Variants in CCDC9B observed in about 807,000 individuals in gnomAD.
CCDC9B encodes the protein coiled-coil domain-containing protein 9B.
In CCDC9B, 40 loss-of-function variants were observed where a neutral mutation model predicts 47.2. That is an observed-to-expected ratio of 0.85 (90% CI 0.66 to 1.10). CCDC9B has a LOEUF of 1.10. CCDC9B is among the 50% of genes least tolerant of loss of function. The pLI is 0.00. For missense variants in CCDC9B, 662 were observed against 651.0 expected (o/e 1.02, Z -0.18); for synonymous variants, 238 against 250.7 (o/e 0.95, Z 0.48).
At position 40,335,687 on chromosome 15, in the gene CCDC9B, G is replaced by A; in HGVS notation, c.944C>T (p.Thr315Ile). 2 of 1,559,450 alleles carry A rather than the reference G, an allele frequency of 1.3e-6. No homozygotes were observed. Among genetic ancestry groups the A allele is most frequent in the Non-Finnish European group, 1.7e-6 (2 of 1,150,540 alleles). ...ELEGQEGSQSTRETPSEEEQA... is the reference protein window; with the variant it reads ...ELEGQEGSQSIRETPSEEEQA... ...CTCCTCCTCACTGGGAGTCTCTCTG[G>A]TGCTTTGGCTTCCCTGAAACAAGAG... The change falls in exon 11 of 11, where the codon ACC (threonine) becomes ATC (isoleucine). Residue 315 changes from threonine to isoleucine, a missense_variant. Transcript: ENST00000397536.
chr15:40,340,761 C>T, intron 1 of CCDC9B, 47 bp downstream of exon 1: 2 of 1,570,258 alleles, frequency 1.3e-6, no homozygotes, highest in Non-Finnish European at 1.7e-6. Context: ...ATCCCAGCCC[C>T]CTCCCAGTCC....
In CCDC9B at chr15:40,335,610, C is replaced by T. The variant is rs367771613; in HGVS notation, c.1021G>A (p.Ala341Thr). The change falls in exon 11 of 11, where the codon GCA becomes ACA. Residue 341 changes from alanine to threonine, a missense_variant. Coordinates refer to ENST00000397536, the MANE Select transcript of CCDC9B (RefSeq NM_207380.3). ...MEQGRLGSAP[A>T]ASPALASPEG... ...GGGGATGCCAGGGCTGGGCTGGCTG[C>T]AGGGGCGCTCCCCAGTCGGCCCTGC... The T allele has an allele frequency of 9.3e-6, 14 of 1,499,612 alleles. No homozygotes were observed. The highest frequency in any genetic ancestry group is 1.2e-5 in the Non-Finnish European group (13 of 1,120,308). The allele number at this position is 1,499,612 out of a possible 1,614,324, so 92.9% of individuals were successfully genotyped here.
Position 40,334,968 on chromosome 15 carries a change from AGAT to A in CCDC9B, c.*187_*189del. 2.0e-6 allele frequency: 1 copy of A among 497,512 alleles called. No homozygotes were observed. The highest frequency in any genetic ancestry group is 3.1e-5 in the East Asian group (1 of 32,092). 30.8% of individuals were successfully genotyped at this position (497,512 alleles called of 1,614,324 possible). A position where few individuals can be genotyped will look rare whatever the true frequency, so the allele number is the denominator to read the frequency against. On this transcript the variant is annotated 3_prime_UTR_variant, in exon 11 of 11. Transcript: ENST00000397536. ...TGCGTGAAAACACACATGTGCACAG[AGAT>A]GAGCGTGTGAGGTGCAGGGAGGCCA...
chr15:40,336,416 C>T (rs1888960814), intron 9 of CCDC9B, 158 bp downstream of exon 9: 1 of 1,385,398 alleles, frequency 7.2e-7, no homozygotes, highest in Non-Finnish European at 9.3e-7. Flanking sequence ...GCTGCAGCCT[C>T]TGCTAATGGC....
At position 40,335,776 on chromosome 15, in the gene CCDC9B, G is replaced by A. The variant is rs1888945660; in HGVS notation, c.930+8C>T. ...CCAGCCTGCCCCATCCTATACCCAA[G>A]TACCTACCTCCTGACCTTCCAGCTC... On this transcript the variant is annotated splice_region_variant and intron_variant, in intron 10 of 10. Transcript: ENST00000397536. 1.2e-6 allele frequency: 2 copies of A among 1,610,534 alleles called. No individual in the cohort carries two copies. The highest frequency in any genetic ancestry group is 1.7e-6 in the Non-Finnish European group (2 of 1,178,410).
Position 40,334,167 on chromosome 15 carries a change from A to G in CCDC9B, c.*991T>C, listed in dbSNP as rs1486559781. On this transcript the variant is annotated 3_prime_UTR_variant, in exon 11 of 11. Transcript: ENST00000397536. ...CTCAGGAAATGTTTGTTGAACTGAG[A>G]GGAAGCCACAGCTTGTGCGGAGTCC... 6.5e-6 allele frequency: 1 copy of G among 152,700 alleles called. No homozygotes were observed. The highest frequency in any genetic ancestry group is 1.9e-4 in the East Asian group (1 of 5,202). 9.5% of individuals were successfully genotyped at this position (152,700 alleles called of 1,614,324 possible).
chr15:40,339,646 C>A, intron 2 of CCDC9B, 27 bp from the exon 3 acceptor site: 1 of 1,610,934 alleles, frequency 6.2e-7, no homozygotes, highest in Non-Finnish European at 8.5e-7. Flanking sequence ...GGTCAGCACA[C>A]GCCATGGCCC....
At chr15:40,336,915 G>C in intron 7 of CCDC9B, 102 bp from the exon 8 acceptor site, 1 of 1,282,134 alleles carries the variant, frequency 7.8e-7, no homozygotes, top group South Asian at 1.3e-5. Context: ...CTCGGGGCCA[G>C]TCGTGGGTTT....
intron 3 of CCDC9B, chr15:40,339,215 T>C: frequency 3.4e-6 from 2 of 583,950 alleles, no homozygotes; most frequent in Non-Finnish European, 6.1e-6. Context: ...GTCCCCCACT[T>C]CCTGCAGGGT....
At chr15:40,338,437 A>T in intron 5 of CCDC9B, 98 bp downstream of exon 5, 1 of 1,405,368 alleles carries the variant, frequency 7.1e-7, no homozygotes, top group Non-Finnish European at 9.8e-7. Context: ...TCCCTTGGCC[A>T]CGTCCCCGCA....
rs1320930679 is a variant in CCDC9B, at chr15:40,335,152, C to A, written c.*6G>T. The A allele has an allele frequency of 1.3e-6, 2 of 1,498,402 alleles. No individual in the cohort carries two copies. The highest frequency in any genetic ancestry group is 4.5e-5 in the Admixed American group (2 of 44,450). 92.8% of individuals were successfully genotyped at this position (1,498,402 alleles called of 1,614,324 possible). Reference sequence around the variant, plus strand: ...CCGGGGACTCCCCAGCTCCCAGGAGCTGTGTTCAGCATCTTCCTGCCGGGC... The same window carrying A: ...CCGGGGACTCCCCAGCTCCCAGGAGATGTGTTCAGCATCTTCCTGCCGGGC... On this transcript the variant is annotated 3_prime_UTR_variant, in exon 11 of 11. Coordinates refer to ENST00000397536, the MANE Select transcript of CCDC9B (RefSeq NM_207380.3).
In CCDC9B at chr15:40,331,768, G is replaced by A. The variant is rs184017354; in HGVS notation, c.*3390C>T. 3.3e-5 allele frequency: 5 copies of A among 152,718 alleles called. No homozygotes were observed. Among genetic ancestry groups the A allele is most frequent in the Admixed American group, 6.5e-5 (1 of 15,306 alleles). The allele number at this position is 152,718 out of a possible 1,614,324, so 9.5% of individuals were successfully genotyped here. ...AGGCTAAAATTGACCCAGGTCACCC[G>A]GCTGACAGATGGCAGGCCTAGGGTT... On this transcript the variant is annotated 3_prime_UTR_variant, in exon 11 of 11. Coordinates refer to ENST00000397536, the MANE Select transcript of CCDC9B (RefSeq NM_207380.3).
At chr15:40,336,967 G>T in intron 7 of CCDC9B, 154 bp from the exon 8 acceptor site, 1 of 676,344 alleles carries the variant, frequency 1.5e-6, no homozygotes, top group Non-Finnish European at 2.5e-6. Context: ...CAGGAGAATA[G>T]GGTCCTGTGC....
chr15:40,336,936 A>T (rs1431179999), intron 7 of CCDC9B, 123 bp from the exon 8 acceptor site: 2 of 929,454 alleles, frequency 2.2e-6, no homozygotes, highest in Non-Finnish European at 3.3e-6. Flanking sequence ...TGCCTCCCCA[A>T]AAGCGCCCTC....
chr15:40,340,179 C>T (rs1227766135), intron 1 of CCDC9B, 164 bp from the exon 2 acceptor site: 10 of 606,454 alleles, frequency 1.6e-5, no homozygotes, highest in African/African-American at 3.7e-5. Context: ...AGGCCCCAAG[C>T]CCCCATTCCA....
chr15:40,339,154 T>C (rs1313956785), intron 3 of CCDC9B: 3 of 604,896 alleles, frequency 5.0e-6, no homozygotes, highest in South Asian at 3.9e-5. Flanking sequence ...ACTCAAACAA[T>C]GGGTCTCTGT....
At position 40,338,590 on chromosome 15, in the gene CCDC9B, C is replaced by T. The variant is rs777770251; in HGVS notation, c.458G>A (p.Arg153His). The change falls in exon 5 of 11, where the codon CGT becomes CAT. Residue 153 changes from arginine to histidine, a missense_variant. Transcript: ENST00000397536. ...CTGCGTGGGGGGGCTTCGGGTCACACGCCCTCCAGGTGACCCCTCTATGCC... is the reference window on the plus strand; with the variant it reads ...CTGCGTGGGGGGGCTTCGGGTCACATGCCCTCCAGGTGACCCCTCTATGCC... Reference protein sequence around the residue: ...NQGIEGSPGGRVTRSPPTQVA... With the variant: ...NQGIEGSPGGHVTRSPPTQVA... 34 of 1,613,974 alleles carry T rather than the reference C, an allele frequency of 2.1e-5. No homozygotes were observed. The highest frequency in any genetic ancestry group is 1.6e-4 in the East Asian group (7 of 44,890).
chr15:40,337,701 A>G (rs1455045067), intron 6 of CCDC9B, 23 bp downstream of exon 6: 1 of 1,570,996 alleles, frequency 6.4e-7, no homozygotes, highest in Admixed American at 1.8e-5. Context: ...ACCACAGGCA[A>G]CCTGCCCAAC....
Position 40,337,556 on chromosome 15 carries a change from T to C in CCDC9B, c.684-110A>G, listed in dbSNP as rs1888990796. 2.5e-6 allele frequency: 3 copies of C among 1,204,562 alleles called. No homozygotes were observed. In the East Asian group the frequency reaches 7.5e-5, roughly 30 times the overall value. 74.6% of individuals were successfully genotyped at this position (1,204,562 alleles called of 1,614,324 possible). ...CCCAGAATTGAAGGCAGCAGGGAGA[T>C]GGTGGGCCCAAGAAAGATGGGAGAC... On this transcript the variant is annotated intron_variant, in intron 6 of 10. Coordinates refer to ENST00000397536, the MANE Select transcript of CCDC9B (RefSeq NM_207380.3).
Sources: gnomAD v4.1 joint callset for allele counts on GRCh38, gnomAD v4.1.1 for gene constraint, MANE v1.5 for transcripts, NCBI Gene and HGNC (gene_info 2026-07-23, HGNC 2026-07-21) for gene names.